The following NELL1 variants were observed in gnomAD, a reference collection of about 807,000 sequenced individuals.
NELL1 encodes protein kinase C-binding protein NELL1.
In NELL1, 76 loss-of-function variants were observed where a neutral mutation model predicts 107.4. That is an observed-to-expected ratio of 0.71 (90% CI 0.59 to 0.86). NELL1 has a LOEUF of 0.86. Ranked by LOEUF, NELL1 falls within the 40% of genes least tolerant of loss-of-function variation. The pLI, the probability that NELL1 is intolerant of heterozygous loss-of-function variation, is 0.00. For missense variants in NELL1, 1,024 were observed against 1,005.5 expected, an observed-to-expected ratio of 1.02 and a Z score of -0.25; for synonymous variants, 353 against 341.2, an observed-to-expected ratio of 1.03 and a Z score of -0.38.
intron 14 of NELL1, among the ~76,000 whole-genome samples, chr11:21,315,868 TG>T: frequency 1.0e-5 from 1 of 95,448 alleles, no homozygotes; most frequent in African/African-American, 4.5e-5. Flanking sequence ...GTGTTGGTGG[TG>T]GTGGTGGTGG....
At chr11:20,696,394 T>A (rs913403106) in intron 2 of NELL1, among the ~76,000 whole-genome samples, 1 of 152,116 alleles carries the variant, frequency 6.6e-6, no homozygotes, top group South Asian at 2.1e-4. Flanking sequence ...TTACTCTGGG[T>A]GTGATGTTAG....
intron 16 of NELL1, among the ~76,000 whole-genome samples, chr11:21,558,521 A>G (rs1402704009): frequency 6.6e-6 from 1 of 151,940 alleles, no homozygotes; most frequent in Admixed American, 6.6e-5. Context: ...AGCTTCTTGA[A>G]TTTATTCCTT....
At chr11:21,357,370 A>G (rs1213961824) in intron 14 of NELL1, among the ~76,000 whole-genome samples, 1 of 152,064 alleles carries the variant, frequency 6.6e-6, no homozygotes, top group Non-Finnish European at 1.5e-5. Flanking sequence ...GAGGTAGCTC[A>G]TTGTGGTTTT....
At chr11:20,921,461 C>A (rs960677032) in intron 7 of NELL1, among the ~76,000 whole-genome samples, 4 of 152,032 alleles carry the variant, frequency 2.6e-5, no homozygotes, top group Admixed American at 2.6e-4. Flanking sequence ...GAGCTGGGAC[C>A]TAAACTCAGG....
intron 16 of NELL1, among the ~76,000 whole-genome samples, chr11:21,548,828 T>G (rs1856505486): frequency 6.6e-6 from 1 of 151,332 alleles, no homozygotes; most frequent in East Asian, 2.0e-4. Context: ...GTTGTGTGGC[T>G]GGCCCAGGGC....
intron 13 of NELL1, among the ~76,000 whole-genome samples, chr11:21,147,123 AG>A (rs1307507736): frequency 2.0e-5 from 3 of 152,208 alleles, no homozygotes; most frequent in Non-Finnish European, 4.4e-5. Flanking sequence ...GTGGTACTGA[AG>A]AAATTTCCTT....
chr11:20,993,241 T>G (rs780561728), intron 12 of NELL1, among the ~76,000 whole-genome samples: 1 of 152,204 alleles, frequency 6.6e-6, no homozygotes, highest in Non-Finnish European at 1.5e-5. Context: ...TCATTATAAT[T>G]CCACCTAACA....
intron 14 of NELL1, among the ~76,000 whole-genome samples, chr11:21,232,527 T>A (rs780910995): frequency 1.8e-4 from 27 of 152,300 alleles, no homozygotes; most frequent in Admixed American, 7.2e-4. Flanking sequence ...CTGCCTGAAA[T>A]AACCAAATTT....
intron 13 of NELL1, among the ~76,000 whole-genome samples, chr11:21,225,930 G>T (rs1286753129): frequency 6.6e-6 from 1 of 152,150 alleles, no homozygotes; most frequent in East Asian, 1.9e-4. Flanking sequence ...CTAAGACAGA[G>T]AGGTTGGGTA....
intron 15 of NELL1, among the ~76,000 whole-genome samples, chr11:21,522,863 C>T (rs534988261): frequency 2.8e-4 from 23 of 81,832 alleles, no homozygotes; most frequent in Non-Finnish European, 4.1e-4. Flanking sequence ...TTTTTTGAGA[C>T]GGAGTCTCGC....
rs57994259 is a variant in NELL1 at position 21,435,445 on chromosome 11, GTT to G, written c.1645+64506_1645+64507del. Among the ~76,000 whole-genome samples, 324 of 137,736 alleles carry G rather than the reference GTT, an allele frequency of 2.4e-3. 1 individual carries two copies. The highest frequency in any genetic ancestry group is 8.1e-3 in the African/African-American group (308 of 38,186). The allele number at this position is 137,736 out of a possible 152,430, so 90.4% of individuals were successfully genotyped here. On this transcript the variant is annotated intron_variant, in intron 15 of 19. Coordinates refer to ENST00000357134, the MANE Select transcript of NELL1 (RefSeq NM_006157.5). ...TAGCTTTTATTGTTTTTTGTTTTTT[GTT>G]TTTTTTTTACCATGAAGAGATGTTA...
At chr11:21,007,707 A>G (rs921449419) in intron 12 of NELL1, among the ~76,000 whole-genome samples, 1 of 152,026 alleles carries the variant, frequency 6.6e-6, no homozygotes, top group Non-Finnish European at 1.5e-5. Flanking sequence ...TGTAGGTGCT[A>G]TGCAATTATG....
chr11:21,113,604 C>A lies in NELL1; in HGVS notation c.1316C>A (p.Ala439Glu), dbSNP rs774471409. The A allele has an allele frequency of 6.2e-7, 1 of 1,611,112 alleles. No homozygotes were observed. The highest frequency in any genetic ancestry group is 8.5e-7 in the Non-Finnish European group (1 of 1,178,098). The change falls in exon 13 of 20, where the codon GCA becomes GAA. Residue 439 changes from alanine to glutamate, a missense_variant. Physicochemically the swap from Ala to Glu is moderately radical, Grantham distance 107 (BLOSUM62 -1). Coordinates refer to ENST00000357134, the MANE Select transcript of NELL1 (RefSeq NM_006157.5). ...SAYCEDIDEC[A>E]AKMHYCHANT... ...TTTCCTTCAGATATTGATGAGTGTG[C>A]AGCTAAGATGCATTACTGTCATGCC...
intron 12 of NELL1, among the ~76,000 whole-genome samples, chr11:21,021,694 C>T (rs150352062): frequency 8.6e-4 from 131 of 152,002 alleles, no homozygotes; most frequent in African/African-American, 2.8e-3. Flanking sequence ...GATGATTTCA[C>T]GGTGGTGATA....
At chr11:20,725,525 C>G (rs1415614311) in intron 2 of NELL1, among the ~76,000 whole-genome samples, 1 of 152,158 alleles carries the variant, frequency 6.6e-6, no homozygotes, top group Non-Finnish European at 1.5e-5. Context: ...AGGGTGCTCT[C>G]TGGCTTGAAA....
chr11:20,804,313 GC>G (rs1327874081), intron 3 of NELL1, among the ~76,000 whole-genome samples: 9 of 152,084 alleles, frequency 5.9e-5, no homozygotes, highest in Admixed American at 5.2e-4. Flanking sequence ...TCAGCTCACT[GC>G]AACCTCTGCC....
intron 2 of NELL1, among the ~76,000 whole-genome samples, chr11:20,708,982 C>G (rs975142121): frequency 6.6e-6 from 1 of 152,064 alleles, no homozygotes; most frequent in Non-Finnish European, 1.5e-5. Context: ...ATGCACAGTT[C>G]ACAATAGGGG....
intron 12 of NELL1, among the ~76,000 whole-genome samples, chr11:20,974,073 A>G (rs1426090345): frequency 6.6e-6 from 1 of 152,226 alleles, no homozygotes; most frequent in Non-Finnish European, 1.5e-5. Flanking sequence ...TCTCTTTACA[A>G]GTGCCAGAAT....
chr11:21,255,367 G>T (rs1355019203), intron 14 of NELL1, among the ~76,000 whole-genome samples: 7 of 152,014 alleles, frequency 4.6e-5, no homozygotes, highest in Admixed American at 4.6e-4. Context: ...AAACCCCCAG[G>T]ATATATTGTA....
Sources: allele counts gnomAD v4.1 joint callset (sites outside exome capture counted in the v4.1 genomes callset), GRCh38; gene constraint gnomAD v4.1.1; transcripts MANE v1.5; gene names NCBI Gene and HGNC (gene_info 2026-07-23, HGNC 2026-07-21).